The following TCP11L1 variants were observed in gnomAD, a reference collection of about 807,000 sequenced individuals.
TCP11L1 encodes the protein T-complex protein 11-like protein 1.
A neutral mutation model predicts 48.9 loss-of-function variants in TCP11L1; 28 were observed. The ratio of observed to expected loss-of-function variants is 0.57; its 90% CI spans 0.42 to 0.78. TCP11L1 has a LOEUF of 0.78. TCP11L1 is among the 30% of genes least tolerant of loss of function. The pLI is 0.00. For synonymous variants in TCP11L1, 204 were observed against 231.9 expected, an observed-to-expected ratio of 0.88 and a Z score of 1.09; for missense variants, 505 against 613.4, an observed-to-expected ratio of 0.82 and a Z score of 1.87.
rs1853908925 is a variant in TCP11L1, at chr11:33,043,856, C to T, written c.83C>T (p.Ala28Val). 6.2e-7 allele frequency: 1 copy of T among 1,613,738 alleles called. No homozygotes were observed. The highest frequency in any genetic ancestry group is 8.5e-7 in the Non-Finnish European group (1 of 1,179,912). The change falls in exon 2 of 10, where the codon GCT becomes GTT. Residue 28 changes from alanine (A) to valine (V), a missense_variant. Transcript: ENST00000334274. ...GATTCTGAGGAAGGCCTCGAAGATG[C>T]TGTGGAAGGTGCTGATGAAGCCTTA... Reference protein sequence around the residue: ...SNDSEEGLEDAVEGADEALQK... With the variant: ...SNDSEEGLEDVVEGADEALQK...
In TCP11L1 at chr11:33,053,504, T is replaced by C. The variant is rs533570980; in HGVS notation, c.164-1089T>C. Among the ~76,000 whole-genome samples, 225 of 152,292 alleles carry C rather than the reference T, an allele frequency of 1.5e-3. 2 individuals carry two copies. The highest frequency in any genetic ancestry group is 5.1e-3 in the African/African-American group (213 of 41,562). On this transcript the variant is annotated intron_variant, in intron 2 of 9. Transcript: ENST00000334274. ...GGTTTAGAACCTTCTTTCTGAATGA[T>C]CAGTCTCAAGCTTTATCAAAAGAGA...
At chr11:33,066,533 C>T (rs1216989940) in intron 8 of TCP11L1, among the ~76,000 whole-genome samples, 1 of 151,956 alleles carries the variant, frequency 6.6e-6, no homozygotes, top group Non-Finnish European at 1.5e-5. Flanking sequence ...ATTGGAGATC[C>T]CGGGCTTAGA....
At chr11:33,065,809 G>T in intron 7 of TCP11L1, 21 bp from the exon 8 acceptor site, 1 of 1,603,300 alleles carries the variant, frequency 6.2e-7, no homozygotes. Flanking sequence ...GCTCAGCGAT[G>T]GCCTCTTCTA....
At chr11:33,058,193 T>C (rs1854366743) in intron 5 of TCP11L1, 54 bp downstream of exon 5, 1 of 1,437,948 alleles carries the variant, frequency 7.0e-7, no homozygotes. Context: ...AGGCATTTTC[T>C]TTTTTTTCTT....
chr11:33,065,193 A>G (rs1465967172), intron 7 of TCP11L1, among the ~76,000 whole-genome samples: 1 of 152,200 alleles, frequency 6.6e-6, no homozygotes, highest in East Asian at 1.9e-4. Context: ...TTCAGCTTTA[A>G]AACAGCCCTG....
chr11:33,039,593 G>C lies in TCP11L1; in HGVS notation c.-224G>C, dbSNP rs1853766942. The stretch of plus-strand genomic sequence containing the variant: ...GAGCAGTCTCCTCCTTCCTGATGCT[G>C]AGAAGCGGCCGCTCTGACCGCTGCC... On this transcript the variant is annotated 5_prime_UTR_variant, in exon 1 of 10. Coordinates refer to ENST00000334274, the MANE Select transcript of TCP11L1 (RefSeq NM_018393.4). The C allele has an allele frequency of 6.6e-6, 1 of 152,330 alleles. No homozygotes were observed. Among genetic ancestry groups the C allele is most frequent in the South Asian group, 2.1e-4 (1 of 4,834 alleles). The allele number at this position is 152,330 out of a possible 1,614,324, so 9.4% of individuals were successfully genotyped here.
intron 8 of TCP11L1, among the ~76,000 whole-genome samples, chr11:33,067,217 A>G (rs535819394): frequency 4.6e-5 from 7 of 152,280 alleles, no homozygotes; most frequent in African/African-American, 1.7e-4. Flanking sequence ...GACCGCTCCT[A>G]CCATGGAGTC....
chr11:33,039,934 G>A (rs1017357133), intron 1 of TCP11L1, 142 bp downstream of exon 1: 4 of 152,394 alleles, frequency 2.6e-5, no homozygotes, highest in Non-Finnish European at 5.9e-5. Flanking sequence ...GGGTCCGCGG[G>A]CGGGTGGAGC....
At chr11:33,048,837 G>A (rs1029553935) in intron 2 of TCP11L1, among the ~76,000 whole-genome samples, 6 of 152,286 alleles carry the variant, frequency 3.9e-5, no homozygotes, top group African/African-American at 1.2e-4. Context: ...GTTCAAGGCC[G>A]TACTCAACAG....
chr11:33,046,143 T>TA (rs1853987663), intron 2 of TCP11L1, among the ~76,000 whole-genome samples: 1 of 152,242 alleles, frequency 6.6e-6, no homozygotes, highest in Non-Finnish European at 1.5e-5. Context: ...CTTCTGCCCT[T>TA]TAGCACAGAG....
rs751821454 is a variant in TCP11L1 at position 33,066,006 on chromosome 11, C to A, written c.1149C>A (p.His383Gln). The A allele has an allele frequency of 3.1e-6, 5 of 1,613,986 alleles. No individual in the cohort carries two copies. The South Asian group carries it at 3.3e-5, about 11-fold the overall frequency. ...MIVKILLTDM[H>Q]LPSFHLKDVL... ...TGAAGATTTTGCTAACAGATATGCA[C>A]CTGCCGTAAGTGGAACTTTGATGCG... The change falls in exon 8 of 10, where the codon CAC becomes CAA. Residue 383 changes from histidine (H) to glutamine (Q), a missense_variant. Around this residue, in one of 3 missense-constraint regions of TCP11L1, gnomAD observed 335 missense variants for 413.3 expected, o/e 0.81. Transcript: ENST00000334274.
chr11:33,043,820 C>A lies in TCP11L1; in HGVS notation c.47C>A (p.Ser16Ter). ...TCCAATGTAAATGAAGCAGGAAAAT[C>A]AAAATCCAATGATTCTGAGGAAGGC... ...DKSNVNEAGK[S>*]KSNDSEEGLE... is the part of the protein sequence containing the mutation. Residue 16 changes from serine to a stop codon, truncating the protein, a stop_gained, in exon 2 of 10, where the codon TCA becomes TAA. Transcript: ENST00000334274. LOFTEE classifies it high-confidence loss of function. 1 of 1,613,538 alleles carries A rather than the reference C, an allele frequency of 6.2e-7. No homozygotes were observed. The highest frequency in any genetic ancestry group is 8.5e-7 in the Non-Finnish European group (1 of 1,179,840).
At chr11:33,054,855 T>G (rs1447999249) in intron 3 of TCP11L1, 130 bp downstream of exon 3, 2 of 1,179,196 alleles carry the variant, frequency 1.7e-6, no homozygotes, top group Non-Finnish European at 2.3e-6. Flanking sequence ...TAAAAAATAT[T>G]CCTGAACAAG....
chr11:33,072,349 G>GCACA (rs1854816672), intron 9 of TCP11L1, 125 bp from the exon 10 acceptor site: 1 of 919,668 alleles, frequency 1.1e-6, no homozygotes, highest in Non-Finnish European at 1.8e-6. Flanking sequence ...GTGGGTATCT[G>GCACA]GTCTGGGAGT....
intron 2 of TCP11L1, among the ~76,000 whole-genome samples, chr11:33,052,062 C>T (rs886521591): frequency 5.9e-5 from 9 of 151,314 alleles, no homozygotes; most frequent in African/African-American, 2.2e-4. Flanking sequence ...AATAATATAC[C>T]CATAGAGGGG....
chr11:33,063,267 A>T (rs1263147835), intron 7 of TCP11L1, among the ~76,000 whole-genome samples: 1 of 152,224 alleles, frequency 6.6e-6, no homozygotes, highest in African/African-American at 2.4e-5. Flanking sequence ...ATTATAAATT[A>T]TGCTTCTGTG....
At chr11:33,040,246 C>T in intron 1 of TCP11L1, 1 of 152,224 alleles carries the variant, frequency 6.6e-6, no homozygotes, top group East Asian at 1.9e-4. Context: ...TTTTTAGACA[C>T]AGTGGGGGTT....
chr11:33,050,984 T>C (rs1854143974), intron 2 of TCP11L1, among the ~76,000 whole-genome samples: 1 of 152,150 alleles, frequency 6.6e-6, no homozygotes, highest in Non-Finnish European at 1.5e-5. Context: ...TGGCTAATTG[T>C]ATTTTTTGTA....
chr11:33,057,343 T>TA (rs1854340362), intron 4 of TCP11L1, 108 bp downstream of exon 4: 2 of 1,531,484 alleles, frequency 1.3e-6, no homozygotes, highest in Non-Finnish European at 1.8e-6. Flanking sequence ...ATCAAGAAGT[T>TA]AAAGTACTTG....
Sources: gnomAD v4.1 joint callset for allele counts (sites outside exome capture counted in the v4.1 genomes callset) on GRCh38, gnomAD v4.1.1 for gene constraint, gnomAD v4.1.1 regional missense constraint, MANE v1.5 for transcripts, NCBI Gene and HGNC (gene_info 2026-07-23, HGNC 2026-07-21) for gene names.